The following WDR70 variants were observed in gnomAD, a reference collection of about 807,000 sequenced individuals.
The protein encoded by WDR70 is WD repeat-containing protein 70.
WDR70 carries 53 observed loss-of-function variants against 88.6 expected under a neutral mutation model. That is an observed-to-expected ratio of 0.60 (90% CI 0.48 to 0.75). WDR70 has a LOEUF of 0.75. Among genes scored for constraint, WDR70 ranks in the 30% least tolerant of loss-of-function variants. WDR70 has a pLI of 0.00. For synonymous variants in WDR70, 280 were observed against 270.0 expected (o/e 1.04, Z -0.36); for missense variants, 610 against 823.2 (o/e 0.74, Z 3.17).
chr5:37,454,163 A>C (rs1738760652), intron 7 of WDR70, among the ~76,000 whole-genome samples: 1 of 152,206 alleles, frequency 6.6e-6, no homozygotes, highest in Non-Finnish European at 1.5e-5. Flanking sequence ...TTGGAAAAGA[A>C]AGGAAGCATA....
chr5:37,724,374 T>A (rs1747908831), intron 15 of WDR70: 1 of 152,300 alleles, frequency 6.6e-6, no homozygotes, highest in Admixed American at 6.5e-5. Flanking sequence ...TAAGTCCCCA[T>A]GCCAAGAGAT....
At chr5:37,421,966 C>A (rs1001412853) in intron 5 of WDR70, among the ~76,000 whole-genome samples, 3 of 151,746 alleles carry the variant, frequency 2.0e-5, no homozygotes, top group African/African-American at 7.3e-5. Flanking sequence ...GGAGGAGTTT[C>A]ATTACAGGGT....
intron 17 of WDR70, among the ~76,000 whole-genome samples, chr5:37,727,594 G>C (rs1748013338): frequency 6.6e-6 from 1 of 152,052 alleles, no homozygotes. Flanking sequence ...TATTTATTTA[G>C]AGTCAGGATC....
chr5:37,690,361 T>A (rs905266391), intron 10 of WDR70, among the ~76,000 whole-genome samples: 1 of 151,830 alleles, frequency 6.6e-6, no homozygotes, highest in Non-Finnish European at 1.5e-5. Context: ...ACAGAGAACA[T>A]CACAAAGATA....
At chr5:37,724,761 G>T in intron 15 of WDR70, 173 bp from the exon 16 acceptor site, 1 of 646,698 alleles carries the variant, frequency 1.5e-6, no homozygotes. Context: ...TGACCAGTGA[G>T]TCTGGTCTCA....
intron 9 of WDR70, among the ~76,000 whole-genome samples, chr5:37,592,070 A>G (rs1743545487): frequency 1.3e-5 from 2 of 152,186 alleles, no homozygotes; most frequent in African/African-American, 4.8e-5. Flanking sequence ...GTTCAGGTCA[A>G]ATATCTATTA....
intron 8 of WDR70, chr5:37,506,807 C>T: frequency 2.2e-6 from 3 of 1,366,136 alleles, no homozygotes; most frequent in Admixed American, 3.4e-5. Flanking sequence ...ATACAGCAAC[C>T]ACCTTTCCGT....
intron 7 of WDR70, among the ~76,000 whole-genome samples, chr5:37,446,740 T>C (rs965454669): frequency 1.3e-5 from 2 of 152,150 alleles, no homozygotes. Context: ...TAGCCATATG[T>C]AGAAAGCTGA....
chr5:37,623,113 C>T (rs1379061177), intron 10 of WDR70, among the ~76,000 whole-genome samples: 1 of 152,084 alleles, frequency 6.6e-6, no homozygotes, highest in East Asian at 1.9e-4. Flanking sequence ...TAAATCAAGA[C>T]TTTCTGCTTG....
chr5:37,533,007 C>T (rs765416852), intron 9 of WDR70, among the ~76,000 whole-genome samples: 4 of 152,092 alleles, frequency 2.6e-5, no homozygotes, highest in South Asian at 2.1e-4. Flanking sequence ...CCCTGAGAGC[C>T]GAACTGGAGT....
chr5:37,472,468 A>C (rs1237551426), intron 7 of WDR70, among the ~76,000 whole-genome samples: 1 of 152,082 alleles, frequency 6.6e-6, no homozygotes, highest in African/African-American at 2.4e-5. Context: ...CCAAATGTAC[A>C]AATTATATAT....
At chr5:37,589,581 T>C (rs766076631) in intron 9 of WDR70, among the ~76,000 whole-genome samples, 43 of 152,096 alleles carry the variant, frequency 2.8e-4, no homozygotes, top group Non-Finnish European at 5.0e-4. Context: ...CTTATTTATT[T>C]TTATTTTTTA....
At chr5:37,542,993 C>A (rs1475783325) in intron 9 of WDR70, among the ~76,000 whole-genome samples, 4 of 152,200 alleles carry the variant, frequency 2.6e-5, no homozygotes, top group African/African-American at 9.6e-5. Context: ...GTTTGGAGCA[C>A]AGGCACAAGT....
chr5:37,384,176 T>G (rs1273747791), intron 3 of WDR70, among the ~76,000 whole-genome samples: 1 of 38,660 alleles, frequency 2.6e-5, no homozygotes, highest in Non-Finnish European at 1.1e-4. Flanking sequence ...TTCCCCCCTT[T>G]TTTTTTTTTT....
intron 10 of WDR70, among the ~76,000 whole-genome samples, chr5:37,606,508 T>C (rs1031620841): frequency 1.3e-5 from 2 of 152,214 alleles, no homozygotes; most frequent in Non-Finnish European, 2.9e-5. Flanking sequence ...ATAGTGTATA[T>C]GTATGTGACT....
intron 9 of WDR70, among the ~76,000 whole-genome samples, chr5:37,519,961 T>C (rs1242753708): frequency 1.3e-5 from 2 of 152,196 alleles, no homozygotes; most frequent in Non-Finnish European, 2.9e-5. Context: ...TCTTTTGCAT[T>C]TGTATCTGCT....
chr5:37,595,047 C>T (rs1743660597), intron 9 of WDR70, among the ~76,000 whole-genome samples: 1 of 152,144 alleles, frequency 6.6e-6, no homozygotes, highest in African/African-American at 2.4e-5. Flanking sequence ...TGGCATGAGA[C>T]AGTGGGGTTT....
At position 37,636,222 on chromosome 5, in the gene WDR70, A is replaced by C. The variant is rs200126464; in HGVS notation, c.1092+30984A>C. Among the ~76,000 whole-genome samples, 5 of 54,478 alleles carry C rather than the reference A, an allele frequency of 9.2e-5. No individual in the cohort carries two copies. The East Asian group carries it at 1.8e-3, about 20-fold the overall frequency. 35.7% of individuals were successfully genotyped at this position (54,478 alleles called of 152,430 possible). ...GGGAGGAGCTCCCTATGACCGAATC[A>C]GGGGCAAGTCTGTGAACTATAACCC... On this transcript the variant is annotated intron_variant, in intron 10 of 17. Coordinates refer to ENST00000265107, the MANE Select transcript of WDR70 (RefSeq NM_018034.4).
At chr5:37,481,715 C>T (rs1232308554) in intron 8 of WDR70, among the ~76,000 whole-genome samples, 2 of 152,152 alleles carry the variant, frequency 1.3e-5, no homozygotes, top group Non-Finnish European at 1.5e-5. Context: ...ACATTTGGCT[C>T]CTCATTACTT....
Sources: allele counts gnomAD v4.1 joint callset (sites outside exome capture counted in the v4.1 genomes callset), GRCh38; gene constraint gnomAD v4.1.1; transcripts MANE v1.5; gene names NCBI Gene and HGNC (gene_info 2026-07-23, HGNC 2026-07-21).